Variants in ME1 observed in about 807,000 individuals in gnomAD.
ME1 encodes the protein malic enzyme 1, also known as NADP-dependent malic enzyme.
In ME1, 74 loss-of-function variants were observed where a neutral mutation model predicts 66.4. The observed-to-expected ratio is 1.11, with a 90% CI of 0.92 to 1.35. The LOEUF (loss-of-function observed/expected upper bound fraction) is 1.35, where lower values mean the gene tolerates loss of function less well. ME1 is among the 40% of genes most tolerant of loss of function. The pLI is 0.00. For synonymous variants in ME1, 251 were observed against 235.6 expected, an observed-to-expected ratio of 1.07 and a Z score of -0.60; for missense variants, 750 against 694.1, an observed-to-expected ratio of 1.08 and a Z score of -0.90.
Position 83,243,194 on chromosome 6 carries a change from A to G in ME1, c.815-3558T>C, listed in dbSNP as rs550282116. Reference sequence around the variant, plus strand: ...GGCAGTAGGATCACTTGAACCCAGGAGTTTGAGGCTGCAGTGAGCTATGAC... The same window carrying G: ...GGCAGTAGGATCACTTGAACCCAGGGGTTTGAGGCTGCAGTGAGCTATGAC... On this transcript the variant is annotated intron_variant, in intron 7 of 13. Transcript: ENST00000369705. 6.0e-5 allele frequency among the ~76,000 whole-genome samples: 9 copies of G among 150,710 alleles called. No individual in the cohort carries two copies. The South Asian group carries it at 1.9e-3, about 31-fold the overall frequency.
At chr6:83,392,564 A>C (rs1286639002) in intron 3 of ME1, 27 of 556,152 alleles carry the variant, frequency 4.9e-5, no homozygotes, top group Non-Finnish European at 6.3e-5. Flanking sequence ...TTCCAGTATA[A>C]TTCCGCCCAT....
intron 6 of ME1, among the ~76,000 whole-genome samples, chr6:83,262,368 T>G (rs1478334775): frequency 6.6e-6 from 1 of 152,188 alleles, no homozygotes; most frequent in Non-Finnish European, 1.5e-5. Flanking sequence ...TGCCTTCATA[T>G]AAGGGATGCA....
intron 6 of ME1, among the ~76,000 whole-genome samples, chr6:83,289,919 T>C (rs1583359705): frequency 6.6e-6 from 1 of 152,234 alleles, no homozygotes. Flanking sequence ...TTTATTTGCA[T>C]ACAGGTGTTT....
chr6:83,282,309 C>T (rs4331957), intron 6 of ME1, among the ~76,000 whole-genome samples: 4,226 of 152,218 alleles, frequency 0.028, 193 homozygotes, highest in African/African-American at 0.093. Context: ...AAGAAACTAT[C>T]ATCAGAGTGA....
intron 1 of ME1, 120 bp from the exon 2 acceptor site, chr6:83,408,021 A>G: frequency 1.7e-6 from 2 of 1,176,450 alleles, no homozygotes; most frequent in African/African-American, 1.6e-5. Flanking sequence ...CGTCACTGGA[A>G]GCATGGCCAT....
At position 83,420,070 on chromosome 6, in the gene ME1, CT is replaced by C. The variant is rs535462119; in HGVS notation, c.78+10806del. 1.1e-4 allele frequency among the ~76,000 whole-genome samples: 17 copies of C among 149,672 alleles called. No homozygotes were observed. The South Asian group carries it at 1.3e-3, about 11-fold the overall frequency. On this transcript the variant is annotated intron_variant, in intron 1 of 13. Coordinates refer to ENST00000369705, the MANE Select transcript of ME1 (RefSeq NM_002395.6). Reference sequence around the variant, plus strand: ...CCATCTTGGAATGTGTAGGTGGTATCTTTTTTTTTTCTTTTGAGACGGAGCC... The same window carrying C: ...CCATCTTGGAATGTGTAGGTGGTATCTTTTTTTTTCTTTTGAGACGGAGCC...
At chr6:83,235,008 T>G (rs1562454591) in intron 9 of ME1, among the ~76,000 whole-genome samples, 1 of 152,222 alleles carries the variant, frequency 6.6e-6, no homozygotes, top group African/African-American at 2.4e-5. Context: ...GGCATCATCT[T>G]TAGCTTCTAT....
At chr6:83,306,765 T>C (rs949877235) in intron 6 of ME1, among the ~76,000 whole-genome samples, 2 of 152,090 alleles carry the variant, frequency 1.3e-5, no homozygotes, top group Non-Finnish European at 2.9e-5. Context: ...TAAAATATAA[T>C]ATGGGATAGT....
intron 1 of ME1, among the ~76,000 whole-genome samples, chr6:83,409,449 A>G (rs1297008383): frequency 2.0e-5 from 3 of 152,230 alleles, no homozygotes; most frequent in Admixed American, 1.3e-4. Flanking sequence ...AATTCGGTTC[A>G]TCCCACAGGG....
At chr6:83,231,065 A>G (rs2128524415) in intron 9 of ME1, among the ~76,000 whole-genome samples, 1 of 152,354 alleles carries the variant, frequency 6.6e-6, no homozygotes, top group East Asian at 1.9e-4. Flanking sequence ...TACAATAATG[A>G]GTCTAAAGAA....
At chr6:83,247,160 T>C in intron 7 of ME1, among the ~76,000 whole-genome samples, 1 of 152,146 alleles carries the variant, frequency 6.6e-6, no homozygotes, top group Non-Finnish European at 1.5e-5. Context: ...AAAATTTCTA[T>C]GTGCAATATT....
At chr6:83,237,296 GAAAGAAAA>G (rs1246549167) in intron 9 of ME1, among the ~76,000 whole-genome samples, 1,452 of 54,128 alleles carry the variant, frequency 0.027, 71 homozygotes, top group Middle Eastern at 0.038. Context: ...AGGAAGGAAA[GAAAGAAAA>G]AGAAAGAAAG....
chr6:83,307,557 G>A (rs191439153), intron 6 of ME1, among the ~76,000 whole-genome samples: 45 of 152,094 alleles, frequency 3.0e-4, no homozygotes, highest in Non-Finnish European at 4.3e-4. Flanking sequence ...AGTGACAGGT[G>A]GAATCTAAAG....
chr6:83,397,473 T>C (rs1439507092), intron 3 of ME1, among the ~76,000 whole-genome samples: 1 of 152,072 alleles, frequency 6.6e-6, no homozygotes, highest in Non-Finnish European at 1.5e-5. Context: ...AGATGAACAA[T>C]AAGTATTGGC....
intron 6 of ME1, among the ~76,000 whole-genome samples, chr6:83,289,031 A>G (rs1197239394): frequency 6.6e-6 from 1 of 152,234 alleles, no homozygotes; most frequent in East Asian, 1.9e-4. Flanking sequence ...GTTGCTTATC[A>G]GCTTAAGGAA....
chr6:83,295,764 CT>C (rs1767586231), intron 6 of ME1, among the ~76,000 whole-genome samples: 1 of 151,962 alleles, frequency 6.6e-6, no homozygotes, highest in Non-Finnish European at 1.5e-5. Context: ...ATAAGATAGG[CT>C]GCTATCTAGA....
At chr6:83,301,657 A>G (rs190524359) in intron 6 of ME1, among the ~76,000 whole-genome samples, 1 of 152,142 alleles carries the variant, frequency 6.6e-6, no homozygotes, top group East Asian at 1.9e-4. Context: ...AATATTTTTC[A>G]GAAGAAGATA....
At chr6:83,309,701 C>T (rs1421737343) in intron 6 of ME1, among the ~76,000 whole-genome samples, 3 of 152,062 alleles carry the variant, frequency 2.0e-5, no homozygotes, top group Non-Finnish European at 2.9e-5. Context: ...AGATGTATGA[C>T]TTGATGAGAT....
chr6:83,378,829 C>T (rs1472746303), intron 3 of ME1, among the ~76,000 whole-genome samples: 1 of 152,046 alleles, frequency 6.6e-6, no homozygotes, highest in African/African-American at 2.4e-5. Flanking sequence ...ACAAGGAATT[C>T]TTCCTACCAT....
Sources: allele counts gnomAD v4.1 joint callset (sites outside exome capture counted in the v4.1 genomes callset), GRCh38; gene constraint gnomAD v4.1.1; transcripts MANE v1.5; gene names NCBI Gene and HGNC (gene_info 2026-07-23, HGNC 2026-07-21).